The following AURKC variants were observed in gnomAD, a reference collection of about 807,000 sequenced individuals.
AURKC encodes the protein ARK-3.
In AURKC, 15 loss-of-function variants were observed where a neutral mutation model predicts 29.2. The ratio of observed to expected loss-of-function variants is 0.51; its 90% CI spans 0.34 to 0.79. AURKC has a LOEUF of 0.79. AURKC is among the 30% of genes least tolerant of loss of function. The pLI is 0.01. For synonymous variants in AURKC, 150 were observed against 149.9 expected, an observed-to-expected ratio of 1.00 and a Z score of -0.01; for missense variants, 332 against 383.2, an observed-to-expected ratio of 0.87 and a Z score of 1.12.
chr19:57,232,491 A>T lies in AURKC; in HGVS notation c.297-51A>T. On this transcript the variant is annotated intron_variant, in intron 3 of 6. Transcript: ENST00000302804. The surrounding 1 kb of genome is among the most constrained non-coding windows in gnomAD (Gnocchi z 4.5). ...GTGACCAGGCAGTGACGGTGGCATCATATGATAGGCCTCAGGGAGAAATCT... is the reference window on the plus strand; with the variant it reads ...GTGACCAGGCAGTGACGGTGGCATCTTATGATAGGCCTCAGGGAGAAATCT... 2 of 1,613,590 alleles carry T rather than the reference A, an allele frequency of 1.2e-6. No homozygotes were observed. The highest frequency in any genetic ancestry group is 8.5e-7 in the Non-Finnish European group (1 of 1,179,862).
At position 57,231,224 on chromosome 19, in the gene AURKC, G is replaced by A. The variant is rs1307015960; in HGVS notation, c.-25G>A. The stretch of plus-strand genomic sequence containing the variant: ...AGCCATCCAGAGGGTTCAGGAAGGC[G>A]TCCGCGCCCTCACCTCTTCTCCCCA... On this transcript the variant is annotated 5_prime_UTR_variant, in exon 1 of 7. Transcript: ENST00000302804. The A allele has an allele frequency of 4.5e-6, 7 of 1,551,658 alleles. No individual in the cohort carries two copies. Among genetic ancestry groups the A allele is most frequent in the Non-Finnish European group, 5.2e-6 (6 of 1,146,998 alleles).
At chr19:57,234,008 A>T (rs2087520326) in intron 5 of AURKC, among the ~76,000 whole-genome samples, 1 of 150,702 alleles carries the variant, frequency 6.6e-6, no homozygotes, top group African/African-American at 2.4e-5. Context: ...CTGGGATTAC[A>T]GGCGTCAGCC....
Position 57,231,027 on chromosome 19 carries a change from G to T in AURKC, c.-222G>T, listed in dbSNP as rs999410039. On this transcript the variant is annotated 5_prime_UTR_variant, in exon 1 of 7. Transcript: ENST00000302804. ...CCAGCCAGGAAGTACCTCTCTGAGC[G>T]GTTGGTGCCGGGTATAAAAGAAGGC... is the stretch of plus-strand genomic sequence containing the variant. 2 of 1,044,528 alleles carry T rather than the reference G, an allele frequency of 1.9e-6. No homozygotes were observed. The highest frequency in any genetic ancestry group is 1.5e-5 in the African/African-American group (1 of 65,328). The allele number at this position is 1,044,528 out of a possible 1,614,324, so 64.7% of individuals were successfully genotyped here.
At position 57,231,671 on chromosome 19, in the gene AURKC, T is replaced by C. The variant is rs758098; in HGVS notation, c.59-71T>C. On this transcript the variant is annotated intron_variant, in intron 1 of 6. Transcript: ENST00000302804. ...TATTCCCTTCTCTACTGTTCTCCTC[T>C]CCTCTCTTTCTCTCCCCTTCTCCTT... 1,304,607 of 1,568,290 alleles carry C rather than the reference T, an allele frequency of 0.83. 543,701 individuals are homozygous for C. Among genetic ancestry groups the C allele is most frequent in the African/African-American group, 0.93 (68,212 of 73,046 alleles).
chr19:57,233,423 G>T (rs752938853), intron 4 of AURKC, 37 bp from the exon 5 acceptor site: 156 of 1,613,910 alleles, frequency 9.7e-5, no homozygotes, highest in Non-Finnish European at 1.3e-4. Flanking sequence ...ATTGTGGCAG[G>T]CTTCACTTCC....
At position 57,232,796 on chromosome 19, in the gene AURKC, G is replaced by A; in HGVS notation, c.435+116G>A. The A allele has an allele frequency of 7.4e-7, 1 of 1,359,718 alleles. No homozygotes were observed. The allele number at this position is 1,359,718 out of a possible 1,614,324, so 84.2% of individuals were successfully genotyped here. On this transcript the variant is annotated intron_variant, in intron 4 of 6. Transcript: ENST00000302804. This position sits in a 1 kb window ranked among gnomAD's most constrained non-coding sequence, Gnocchi z 4.5. ...CCTTCTGAGAAGTTTACTTCTGAAT[G>A]TTATTGTGTAAATTTAATATAATGG... is the stretch of plus-strand genomic sequence containing the variant.
In AURKC at chr19:57,235,514, A is replaced by T. The variant is rs2087538316; in HGVS notation, c.*97A>T. On this transcript the variant is annotated 3_prime_UTR_variant, in exon 7 of 7. Transcript: ENST00000302804. ...ATTTTTTTCTCTTTTAAGATGTAAGATGCTAATTAATAAAAGCTGAATCAT... is the reference window on the plus strand; with the variant it reads ...ATTTTTTTCTCTTTTAAGATGTAAGTTGCTAATTAATAAAAGCTGAATCAT... The T allele has an allele frequency of 7.0e-7, 1 of 1,425,276 alleles. No homozygotes were observed. Among genetic ancestry groups the T allele is most frequent in the Non-Finnish European group, 9.8e-7 (1 of 1,019,738 alleles). 88.3% of individuals were successfully genotyped at this position (1,425,276 alleles called of 1,614,324 possible).
intron 5 of AURKC, among the ~76,000 whole-genome samples, chr19:57,234,141 T>TC (rs755641143): frequency 7.4e-6 from 1 of 135,582 alleles, no homozygotes; most frequent in Non-Finnish European, 1.6e-5. Flanking sequence ...CACTGCAACC[T>TC]CCCCCTCCCA....
intron 1 of AURKC, 179 bp downstream of exon 1, chr19:57,231,485 C>A: frequency 1.3e-6 from 1 of 777,616 alleles, no homozygotes; most frequent in Non-Finnish European, 2.1e-6. Context: ...CTCCCCTACT[C>A]TCTCCTCCCC....
intron 5 of AURKC, 71 bp downstream of exon 5, chr19:57,233,679 T>C: frequency 6.3e-7 from 1 of 1,599,834 alleles, no homozygotes; most frequent in Non-Finnish European, 8.6e-7. Context: ...ATGTATTTCA[T>C]GTGTCCATGT....
At chr19:57,231,628 C>T (rs2087491412) in intron 1 of AURKC, 114 bp from the exon 2 acceptor site, 3 of 1,164,194 alleles carry the variant, frequency 2.6e-6, no homozygotes, top group Non-Finnish European at 3.8e-6. Flanking sequence ...CCCCTTCTTC[C>T]CCTCACCTCT....
chr19:57,235,356 AC>A lies in AURKC; in HGVS notation c.873del (p.Trp292GlyfsTer48). The A allele has an allele frequency of 6.2e-7, 1 of 1,613,840 alleles. No homozygotes were observed. The highest frequency in any genetic ancestry group is 8.5e-7 in the Non-Finnish European group (1 of 1,179,964). ...ERLPLAQILK[H>X]PWVQAHSRRV... is the part of the protein sequence containing the mutation. ...CTGCCCCTGGCCCAGATCCTGAAGC[AC>A]CCCTGGGTTCAGGCCCACTCCCGAA... On this transcript the variant is annotated frameshift_variant, in exon 7 of 7. Transcript: ENST00000302804. LOFTEE classifies it high-confidence loss of function.
rs938303583 is a variant in AURKC at position 57,231,900 on chromosome 19, C to G, written c.104+113C>G. The G allele has an allele frequency of 6.2e-6, 10 of 1,603,908 alleles. No individual in the cohort carries two copies. The African/African-American group carries it at 1.2e-4, about 19-fold the overall frequency. On this transcript the variant is annotated intron_variant, in intron 2 of 6. Transcript: ENST00000302804. ...CTGGGAACGAGAACTACTGATAGGG[C>G]TGGGTCTGTGTGAGAAGGGAAAGCG...
chr19:57,235,440 TTG>T lies in AURKC; in HGVS notation c.*31_*32del. 6.2e-7 allele frequency: 1 copy of T among 1,612,914 alleles called. No homozygotes were observed. The highest frequency in any genetic ancestry group is 1.1e-5 in the South Asian group (1 of 91,020). On this transcript the variant is annotated 3_prime_UTR_variant, in exon 7 of 7. Transcript: ENST00000302804. ...TGAGCCCTGTCTGCCTCTGTTCCCT[TTG>T]TGTGTGTTCAGGGAGCTCTCCTGGC...
rs1429809007 is a variant in AURKC, at chr19:57,232,086, A to G, written c.158A>G (p.Lys53Arg). The G allele has an allele frequency of 6.2e-7, 1 of 1,614,090 alleles. No individual in the cohort carries two copies. Among genetic ancestry groups the G allele is most frequent in the East Asian group, 2.2e-5 (1 of 44,872 alleles). Residue 53 changes from lysine (K) to arginine (R), a missense_variant, in exon 3 of 7, where the codon AAA (lysine) becomes AGA (arginine). Transcript: ENST00000302804. The surrounding 1 kb of genome is among the most constrained non-coding windows in gnomAD (Gnocchi z 4.5). ...FEIGRPLGKG[K>R]FGNVYLARLK... ...ATCGGGCGTCCCCTGGGCAAGGGGAAATTTGGGAATGTGTACCTGGCTCGG... is the reference window on the plus strand; with the variant it reads ...ATCGGGCGTCCCCTGGGCAAGGGGAGATTTGGGAATGTGTACCTGGCTCGG...
chr19:57,232,650 C>T lies in AURKC; in HGVS notation c.405C>T (p.Ser135=), dbSNP rs141028635. 2.1e-5 allele frequency: 34 copies of T among 1,613,998 alleles called. 1 individual carries two copies. In the African/African-American group the frequency reaches 4.1e-4, roughly 20 times the overall value. Residue 135 remains serine, a synonymous_variant, in exon 4 of 7, where the codon AGC becomes AGT. Coordinates refer to ENST00000302804, the MANE Select transcript of AURKC (RefSeq NM_001015878.2). The surrounding 1 kb of genome is among the most constrained non-coding windows in gnomAD (Gnocchi z 4.5). ...AGCTCTACAAGGAGCTGCAGAAAAGCGAGAAATTAGATGAACAGCGCACAG... is the reference window on the plus strand; with the variant it reads ...AGCTCTACAAGGAGCTGCAGAAAAGTGAGAAATTAGATGAACAGCGCACAG... ...RGELYKELQK[S]EKLDEQRTAT...
intron 5 of AURKC, among the ~76,000 whole-genome samples, chr19:57,234,281 C>T (rs567439976): frequency 1.2e-4 from 19 of 152,218 alleles, no homozygotes; most frequent in South Asian, 4.1e-4. Flanking sequence ...GTCTCCAACT[C>T]CTGACCTCAG....
At chr19:57,231,991 C>A in intron 2 of AURKC, 42 bp from the exon 3 acceptor site, 1 of 1,613,160 alleles carries the variant, frequency 6.2e-7, no homozygotes, top group South Asian at 1.1e-5. Context: ...CTCCGCCTAC[C>A]CTACCTCCCA....
rs551344351 is a variant in AURKC, at chr19:57,235,509, G to A, written c.*92G>A. ...TCTTTATTTTTTTCTCTTTTAAGATGTAAGATGCTAATTAATAAAAGCTGA... is the reference window on the plus strand; with the variant it reads ...TCTTTATTTTTTTCTCTTTTAAGATATAAGATGCTAATTAATAAAAGCTGA... On this transcript the variant is annotated 3_prime_UTR_variant, in exon 7 of 7. Transcript: ENST00000302804. 1 of 1,470,028 alleles carries A rather than the reference G, an allele frequency of 6.8e-7. No individual in the cohort carries two copies. Among genetic ancestry groups the A allele is most frequent in the African/African-American group, 1.4e-5 (1 of 71,868 alleles). The allele number at this position is 1,470,028 out of a possible 1,614,324, so 91.1% of individuals were successfully genotyped here.
Sources: gnomAD v4.1 joint callset for allele counts (sites outside exome capture counted in the v4.1 genomes callset) on GRCh38, gnomAD v4.1.1 for gene constraint, Gnocchi (gnomAD v3.1) non-coding constraint, MANE v1.5 for transcripts, NCBI Gene and HGNC (gene_info 2026-07-23, HGNC 2026-07-21) for gene names.